Variants in PRKN observed in about 807,000 individuals in gnomAD.
PRKN encodes the protein parkin RBR E3 ubiquitin protein ligase, also known as E3 ubiquitin-protein ligase parkin.
PRKN carries 56 observed loss-of-function variants against 59.5 expected under a neutral mutation model. The observed-to-expected ratio is 0.94, with a 90% CI of 0.76 to 1.18. The LOEUF (loss-of-function observed/expected upper bound fraction) is 1.18, where lower values mean the gene tolerates loss of function less well. Among genes scored for constraint, PRKN ranks in the 50% most tolerant of loss-of-function variants. PRKN has a pLI of 0.00. For synonymous variants in PRKN, 250 were observed against 222.1 expected (o/e 1.13, Z -1.12); for missense variants, 657 against 596.4 (o/e 1.10, Z -1.06).
intron 3 of PRKN, among the ~76,000 whole-genome samples, chr6:162,243,116 C>T (rs542152400): frequency 6.6e-6 from 1 of 152,160 alleles, no homozygotes; most frequent in East Asian, 1.9e-4. Context: ...GGGTCCTCCA[C>T]ATGGCAATGA....
Position 162,633,562 on chromosome 6 carries a change from T to C in PRKN, c.7+94100A>G, listed in dbSNP as rs142887303. Among the ~76,000 whole-genome samples the C allele has an allele frequency of 5.0e-3, 753 of 151,890 alleles. 3 individuals carry two copies. The highest frequency in any genetic ancestry group is 6.1e-3 in the Non-Finnish European group (414 of 67,994). ...AACCGGATTTCCAGAACTTCACACA[T>C]TTGGCTGATTTTCTAGTTGAGAAAT... is the stretch of plus-strand genomic sequence containing the variant. On this transcript the variant is annotated intron_variant, in intron 1 of 11. Transcript: ENST00000366898.
chr6:161,883,043 C>A (rs868533405), intron 6 of PRKN, among the ~76,000 whole-genome samples: 2,097 of 83,436 alleles, frequency 0.025, 45 homozygotes, highest in African/African-American at 0.097. Context: ...AAAAAAAAAC[C>A]AAAAAAACTC....
chr6:161,971,050 C>T (rs112685578), intron 6 of PRKN, among the ~76,000 whole-genome samples: 3 of 152,190 alleles, frequency 2.0e-5, no homozygotes, highest in African/African-American at 7.2e-5. Flanking sequence ...CGAGAAGGGA[C>T]CTTATTCAAT....
rs144649391 is a variant in PRKN, at chr6:161,447,474, C to T, written c.1084-60597G>A. Among the ~76,000 whole-genome samples, 5 of 152,266 alleles carry T rather than the reference C, an allele frequency of 3.3e-5. No individual in the cohort carries two copies. Among genetic ancestry groups the T allele is most frequent in the Admixed American group, 2.0e-4 (3 of 15,288 alleles). The stretch of plus-strand genomic sequence containing the variant: ...GAAGACAAGTTGGAGAATAATCTCC[C>T]ATATTCCTCTGCCATCCTTTCTTTC... On this transcript the variant is annotated intron_variant, in intron 9 of 11. Coordinates refer to ENST00000366898, the MANE Select transcript of PRKN (RefSeq NM_004562.3). This position sits in a 1 kb window ranked among gnomAD's most constrained non-coding sequence, Gnocchi z 4.1.
At chr6:161,364,043 C>T (rs1283358452) in intron 10 of PRKN, among the ~76,000 whole-genome samples, 1 of 151,844 alleles carries the variant, frequency 6.6e-6, no homozygotes, top group Middle Eastern at 3.2e-3. Context: ...GTGGTGGGCG[C>T]CTGTAGTCCC....
chr6:162,022,145 G>A (rs574934753), intron 5 of PRKN, among the ~76,000 whole-genome samples: 97 of 152,200 alleles, frequency 6.4e-4, no homozygotes, highest in Admixed American at 1.6e-3. Flanking sequence ...TGTGAATAAT[G>A]TTGCAATAAA....
chr6:161,821,441 AT>A (rs5881436), intron 6 of PRKN, among the ~76,000 whole-genome samples: 100 of 150,616 alleles, frequency 6.6e-4, no homozygotes, highest in Admixed American at 1.6e-3. Context: ...AATAAAAGGG[AT>A]TTTTTTTTTA....
intron 2 of PRKN, among the ~76,000 whole-genome samples, chr6:162,434,714 G>C (rs1465387583): frequency 1.3e-5 from 2 of 152,046 alleles, no homozygotes; most frequent in Non-Finnish European, 2.9e-5. Context: ...TTTACTAATG[G>C]TAACTTATTA....
In PRKN at chr6:162,645,914, G is replaced by C. The variant is rs182326413; in HGVS notation, c.7+81748C>G. 2.4e-5 allele frequency among the ~76,000 whole-genome samples: 3 copies of C among 125,688 alleles called. No homozygotes were observed. In the Admixed American group the frequency reaches 3.1e-4, roughly 13 times the overall value. The allele number at this position is 125,688 out of a possible 152,430, so 82.5% of individuals were successfully genotyped here. A position where few individuals can be genotyped will look rare whatever the true frequency, so the allele number is the denominator to read the frequency against. ...TTTTGAGACAGAGTCTTGCTCTGTCGCCCAGGCTGGAGTGCAGTGGCAAGA... is the reference window on the plus strand; with the variant it reads ...TTTTGAGACAGAGTCTTGCTCTGTCCCCCAGGCTGGAGTGCAGTGGCAAGA... On this transcript the variant is annotated intron_variant, in intron 1 of 11. Transcript: ENST00000366898.
chr6:162,200,843 G>A (rs1784697404), intron 4 of PRKN, among the ~76,000 whole-genome samples: 1 of 152,208 alleles, frequency 6.6e-6, no homozygotes, highest in Admixed American at 6.5e-5. Context: ...CGTAACAGAA[G>A]CCCAACCTCT....
intron 3 of PRKN, among the ~76,000 whole-genome samples, chr6:162,252,528 C>T (rs1027009365): frequency 5.9e-5 from 9 of 152,288 alleles, no homozygotes; most frequent in East Asian, 1.9e-4. Flanking sequence ...GGCATTCAGA[C>T]ATAAGAAATT....
Position 161,475,596 on chromosome 6 carries a change from G to A in PRKN, c.1083+73258C>T, listed in dbSNP as rs1791028048. ...CAACTTGCCGCAGTCTTGACCTCCTGGGCTCAAGTGATCCTCCCACCTCAG... is the reference window on the plus strand; with the variant it reads ...CAACTTGCCGCAGTCTTGACCTCCTAGGCTCAAGTGATCCTCCCACCTCAG... On this transcript the variant is annotated intron_variant, in intron 9 of 11. Coordinates refer to ENST00000366898, the MANE Select transcript of PRKN (RefSeq NM_004562.3). This position sits in a 1 kb window ranked among gnomAD's most constrained non-coding sequence, Gnocchi z 5.3. Among the ~76,000 whole-genome samples the A allele has an allele frequency of 6.6e-6, 1 of 152,110 alleles. No individual in the cohort carries two copies. Among genetic ancestry groups the A allele is most frequent in the South Asian group, 2.1e-4 (1 of 4,822 alleles).
chr6:162,179,968 C>CTGTGGGTGTG (rs1783721206), intron 4 of PRKN, among the ~76,000 whole-genome samples: 1 of 139,724 alleles, frequency 7.2e-6, no homozygotes, highest in Non-Finnish European at 1.5e-5. Flanking sequence ...TATCTTATTA[C>CTGTGGGTGTG]TGTGTGTGTG....
chr6:162,451,055 A>C (rs558158892), intron 1 of PRKN, among the ~76,000 whole-genome samples: 1 of 152,294 alleles, frequency 6.6e-6, no homozygotes, highest in South Asian at 2.1e-4. Flanking sequence ...AAAGATCTAG[A>C]TGGAGATCAG....
intron 6 of PRKN, among the ~76,000 whole-genome samples, chr6:161,945,058 A>G (rs1779728260): frequency 1.3e-5 from 2 of 152,210 alleles, no homozygotes; most frequent in Admixed American, 1.3e-4. Context: ...GTTTTAAACC[A>G]TAACAGTGGA....
At chr6:161,749,143 C>T (rs1234764061) in intron 7 of PRKN, among the ~76,000 whole-genome samples, 1 of 152,170 alleles carries the variant, frequency 6.6e-6, no homozygotes, top group Non-Finnish European at 1.5e-5. Flanking sequence ...TCTTGTGTTG[C>T]TAACCCCCTC....
At chr6:162,227,623 C>T (rs1371064734) in intron 3 of PRKN, among the ~76,000 whole-genome samples, 2 of 152,124 alleles carry the variant, frequency 1.3e-5, no homozygotes, top group Admixed American at 6.6e-5. Context: ...CCTGAAGGTA[C>T]AAAGCTGAGG....
intron 6 of PRKN, among the ~76,000 whole-genome samples, chr6:161,962,143 A>G (rs1780404738): frequency 6.6e-6 from 1 of 152,252 alleles, no homozygotes; most frequent in African/African-American, 2.4e-5. Context: ...TGAAAGCTAC[A>G]AAGGACAACT....
chr6:162,128,244 G>T (rs1256565268), intron 4 of PRKN, among the ~76,000 whole-genome samples: 9 of 152,144 alleles, frequency 5.9e-5, no homozygotes, highest in African/African-American at 1.7e-4. Flanking sequence ...AAAATATGTA[G>T]ATGTCAAATT....
Sources: allele counts gnomAD v4.1 joint callset (sites outside exome capture counted in the v4.1 genomes callset), GRCh38; gene constraint gnomAD v4.1.1; non-coding constraint Gnocchi (gnomAD v3.1); transcripts MANE v1.5; gene names NCBI Gene and HGNC (gene_info 2026-07-23, HGNC 2026-07-21).